The following EBF4 variants were observed in gnomAD, a reference collection of about 807,000 sequenced individuals.
EBF4 encodes the protein transcription factor COE4.
A neutral mutation model predicts 67.1 loss-of-function variants in EBF4; 34 were observed. The observed-to-expected ratio is 0.51, with a 90% CI of 0.39 to 0.67. EBF4 has a LOEUF of 0.67. Among genes scored for constraint, EBF4 ranks in the 30% least tolerant of loss-of-function variants. EBF4 has a pLI of 0.00. For synonymous variants in EBF4, 387 were observed against 377.7 expected (o/e 1.02, Z -0.29); for missense variants, 837 against 873.3 (o/e 0.96, Z 0.52).
chr20:2,711,443 C>T (rs1013424718), intron 6 of EBF4, among the ~76,000 whole-genome samples: 15 of 152,046 alleles, frequency 9.9e-5, no homozygotes, highest in Non-Finnish European at 1.8e-4. Context: ...CCATTTCACA[C>T]GTGTAAATTT....
chr20:2,743,410 C>A (rs2087997560), intron 6 of EBF4, among the ~76,000 whole-genome samples: 2 of 152,184 alleles, frequency 1.3e-5, no homozygotes, highest in Admixed American at 1.3e-4. Context: ...AAGGCAGGAG[C>A]CTTTAGGGGC....
chr20:2,754,525 A>G (rs994064078), intron 14 of EBF4, among the ~76,000 whole-genome samples: 1 of 152,116 alleles, frequency 6.6e-6, no homozygotes, highest in African/African-American at 2.4e-5. Flanking sequence ...CTTAAAGGAG[A>G]TGAGGCTGAG....
At chr20:2,725,716 C>G (rs1472450618) in intron 6 of EBF4, among the ~76,000 whole-genome samples, 1 of 152,208 alleles carries the variant, frequency 6.6e-6, no homozygotes, top group Non-Finnish European at 1.5e-5. Flanking sequence ...CTGCCTGGAA[C>G]AAGGGGTGCT....
chr20:2,725,088 T>C (rs953431417), intron 6 of EBF4, among the ~76,000 whole-genome samples: 1 of 152,236 alleles, frequency 6.6e-6, no homozygotes, highest in African/African-American at 2.4e-5. Flanking sequence ...TCTATGGATA[T>C]ACATCTTTTA....
rs1013654957 is a variant in EBF4, at chr20:2,705,534, T to TG, written c.138-37dup. 25 of 1,551,462 alleles carry TG rather than the reference T, an allele frequency of 1.6e-5. No homozygotes were observed. In the African/African-American group the frequency reaches 2.7e-4, roughly 17 times the overall value. Reference sequence around the variant, plus strand: ...CCCGAGGCGCTGGAGTCTTTCTCACTGGGGGGCCTTCCAGTGGTTTTCCAG... The same window carrying TG: ...CCCGAGGCGCTGGAGTCTTTCTCACTGGGGGGGCCTTCCAGTGGTTTTCCAG... On this transcript the variant is annotated intron_variant, in intron 1 of 16. Transcript: ENST00000609451.
chr20:2,716,185 G>A (rs2087606534), intron 6 of EBF4, among the ~76,000 whole-genome samples: 1 of 149,138 alleles, frequency 6.7e-6, no homozygotes, highest in African/African-American at 2.5e-5. Context: ...TCCCATCACT[G>A]CACTCCAGCT....
At chr20:2,737,142 C>T (rs553118373) in intron 6 of EBF4, among the ~76,000 whole-genome samples, 7 of 150,526 alleles carry the variant, frequency 4.7e-5, no homozygotes, top group South Asian at 4.2e-4. Context: ...CCCAGCTACT[C>T]GGGAGGCTGA....
At chr20:2,760,071 G>C (rs2088303211), downstream of EBF4, 1 of 152,278 alleles carries the variant, frequency 6.6e-6, no homozygotes, top group African/African-American at 2.4e-5. The surrounding 1 kb of genome is among the most constrained non-coding windows in gnomAD (Gnocchi z 4.2). Flanking sequence ...AGATGCAGGT[G>C]GTGCCCGCCC....
At chr20:2,750,043 C>A in intron 10 of EBF4, 70 bp downstream of exon 10, 1 of 1,478,520 alleles carries the variant, frequency 6.8e-7, no homozygotes, top group Non-Finnish European at 9.0e-7. Flanking sequence ...CACTGGTCTC[C>A]GTTCTTGGTG....
intron 6 of EBF4, among the ~76,000 whole-genome samples, chr20:2,724,230 T>C (rs530950427): frequency 6.6e-6 from 1 of 152,360 alleles, no homozygotes; most frequent in Non-Finnish European, 1.5e-5. Context: ...TTTTGCACCC[T>C]GAAAATTTGG....
intron 1 of EBF4, among the ~76,000 whole-genome samples, chr20:2,698,233 G>A (rs1007820687): frequency 6.6e-6 from 1 of 152,206 alleles, no homozygotes; most frequent in African/African-American, 2.4e-5. Context: ...CAGCTGCTGG[G>A]GGCAGTGGGA....
In EBF4 at chr20:2,706,044, G is replaced by A. The variant is rs1365834609; in HGVS notation, c.358+7G>A. ...CGGCTGGTGTATAACAATGGTGAGT[G>A]GAGGCCCCTGCCCTACCCAGCCCTG... On this transcript the variant is annotated splice_region_variant and intron_variant, in intron 3 of 16. Transcript: ENST00000609451. 12 of 1,551,580 alleles carry A rather than the reference G, an allele frequency of 7.7e-6. No homozygotes were observed. Among genetic ancestry groups the A allele is most frequent in the Non-Finnish European group, 8.7e-6 (10 of 1,146,942 alleles).
intron 6 of EBF4, among the ~76,000 whole-genome samples, chr20:2,714,126 T>C (rs2087577495): frequency 6.6e-6 from 1 of 152,182 alleles, no homozygotes. Flanking sequence ...TTTTCTCATA[T>C]TTCTCCATCG....
chr20:2,705,516 C>A (rs368928307), intron 1 of EBF4, 61 bp from the exon 2 acceptor site: 229 of 1,549,254 alleles, frequency 1.5e-4, no homozygotes, highest in East Asian at 3.7e-4. Flanking sequence ...TGGCCCGAGG[C>A]GCTGGAGTCT....
chr20:2,715,512 G>T (rs903900805), intron 6 of EBF4, among the ~76,000 whole-genome samples: 1 of 152,094 alleles, frequency 6.6e-6, no homozygotes, highest in African/African-American at 2.4e-5. Context: ...TCATGGATAC[G>T]CACATGATCA....
intron 6 of EBF4, among the ~76,000 whole-genome samples, chr20:2,742,202 T>C (rs375313259): frequency 2.0e-5 from 3 of 152,180 alleles, no homozygotes; most frequent in African/African-American, 4.8e-5. Flanking sequence ...TACTTTAGCA[T>C]TGACTGTGAC....
intron 6 of EBF4, among the ~76,000 whole-genome samples, chr20:2,718,611 A>G (rs1287252091): frequency 6.6e-6 from 1 of 152,228 alleles, no homozygotes; most frequent in Non-Finnish European, 1.5e-5. Context: ...TAGTATTTCT[A>G]GAACCTATAG....
Position 2,755,679 on chromosome 20 carries a change from C to A in EBF4, c.1593C>A (p.Ala531=), listed in dbSNP as rs772406829. The A allele has an allele frequency of 6.5e-7, 1 of 1,550,170 alleles. No individual in the cohort carries two copies. The change falls in exon 15 of 17, where the codon GCC becomes GCA. Residue 531 remains alanine, a synonymous_variant. Transcript: ENST00000609451. The surrounding 1 kb of genome is among the most constrained non-coding windows in gnomAD (Gnocchi z 4.7). Reference sequence around the variant, plus strand: ...CTGCCTCCTCCATGTCCCTCCCGGCCGCTGCCCCCACCACCAGCGTGTTCT... The same window carrying A: ...CTGCCTCCTCCATGTCCCTCCCGGCAGCTGCCCCCACCACCAGCGTGTTCT...
chr20:2,748,891 C>A (rs568921978), intron 7 of EBF4, among the ~76,000 whole-genome samples: 3 of 152,208 alleles, frequency 2.0e-5, no homozygotes, highest in Non-Finnish European at 4.4e-5. Context: ...ACATGATTAA[C>A]GACCCAGGCA....
Sources: gnomAD v4.1 joint callset for allele counts (sites outside exome capture counted in the v4.1 genomes callset) on GRCh38, gnomAD v4.1.1 for gene constraint, Gnocchi (gnomAD v3.1) non-coding constraint, MANE v1.5 for transcripts, NCBI Gene and HGNC (gene_info 2026-07-23, HGNC 2026-07-21) for gene names.